The following PTPRD variants were observed in gnomAD, a reference collection of about 807,000 sequenced individuals.
PTPRD encodes protein tyrosine phosphatase receptor type D, also known as receptor-type tyrosine-protein phosphatase delta.
In PTPRD, 34 loss-of-function variants were observed where a neutral mutation model predicts 214.5. The ratio of observed to expected loss-of-function variants is 0.16; its 90% CI spans 0.12 to 0.21. The LOEUF (loss-of-function observed/expected upper bound fraction) is 0.21, where lower values mean the gene tolerates loss of function less well. Ranked by LOEUF, PTPRD falls within the 10% of genes least tolerant of loss-of-function variation. The pLI is 1.00. For missense variants in PTPRD, 2,545 were observed against 2,398.7 expected (o/e 1.06, Z -1.27); for synonymous variants, 1,128 against 845.7 (o/e 1.33, Z -5.79).
chr9:8,966,587 A>G (rs1251075172), intron 11 of PTPRD, among the ~76,000 whole-genome samples: 1 of 152,044 alleles, frequency 6.6e-6, no homozygotes, highest in Admixed American at 6.6e-5. Context: ...ACCCCTATAT[A>G]CTATATACAA....
intron 10 of PTPRD, among the ~76,000 whole-genome samples, chr9:9,160,729 C>T (rs2099886607): frequency 6.6e-6 from 1 of 152,168 alleles, no homozygotes; most frequent in Non-Finnish European, 1.5e-5. Flanking sequence ...TATCTGCATG[C>T]TCATGTGCAT....
intron 9 of PTPRD, among the ~76,000 whole-genome samples, chr9:9,221,800 G>A (rs4620334): frequency 0.7 from 105,910 of 151,836 alleles, 37,279 homozygotes; most frequent in Middle Eastern, 0.77. Context: ...GTCACGTGTA[G>A]CAGAAGAAGA....
intron 9 of PTPRD, among the ~76,000 whole-genome samples, chr9:9,192,656 A>C (rs1445357821): frequency 6.6e-6 from 1 of 152,118 alleles, no homozygotes; most frequent in East Asian, 1.9e-4. Context: ...CTGAAACCAG[A>C]GCTGCACCAC....
intron 9 of PTPRD, among the ~76,000 whole-genome samples, chr9:9,221,856 T>C (rs1406984969): frequency 2.0e-5 from 3 of 151,988 alleles, no homozygotes; most frequent in African/African-American, 7.2e-5. Flanking sequence ...ACAAACGCTG[T>C]ACCTAAACAA....
chr9:9,938,065 G>A (rs1381432942), intron 5 of PTPRD, among the ~76,000 whole-genome samples: 1 of 152,062 alleles, frequency 6.6e-6, no homozygotes, highest in African/African-American at 2.4e-5. Context: ...CTCTGGAAAT[G>A]ACAAAACCTG....
At chr9:9,936,923 T>C (rs1207081430) in intron 5 of PTPRD, among the ~76,000 whole-genome samples, 3 of 147,594 alleles carry the variant, frequency 2.0e-5, no homozygotes, top group South Asian at 2.2e-4. Context: ...ATGTCCTTTG[T>C]AGGGACATGG....
intron 4 of PTPRD, among the ~76,000 whole-genome samples, chr9:9,975,950 C>T (rs2095335824): frequency 6.6e-6 from 1 of 152,160 alleles, no homozygotes; most frequent in South Asian, 2.1e-4. Flanking sequence ...GTTAAGTGAA[C>T]TAGACCTGAA....
chr9:9,337,839 A>G (rs1342990818), intron 9 of PTPRD, among the ~76,000 whole-genome samples: 2 of 152,202 alleles, frequency 1.3e-5, no homozygotes, highest in Non-Finnish European at 2.9e-5. Context: ...ATAGGTACAA[A>G]TTACCTCACA....
At chr9:10,234,391 A>G (rs1286843714) in intron 3 of PTPRD, among the ~76,000 whole-genome samples, 1 of 151,808 alleles carries the variant, frequency 6.6e-6, no homozygotes, top group East Asian at 1.9e-4. Context: ...AAAAGTTAAT[A>G]TTGTTTTTCC....
chr9:9,186,200 G>A (rs533978028), intron 9 of PTPRD, among the ~76,000 whole-genome samples: 60 of 152,220 alleles, frequency 3.9e-4, no homozygotes, highest in African/African-American at 1.4e-3. Flanking sequence ...CCTAGTGCAT[G>A]GAACATGCTC....
intron 3 of PTPRD, among the ~76,000 whole-genome samples, chr9:10,336,900 G>C (rs930511225): frequency 4.6e-5 from 7 of 151,570 alleles, no homozygotes; most frequent in Admixed American, 3.3e-4. Flanking sequence ...TATAGACAGA[G>C]ATGAAATGGT....
At chr9:9,638,568 C>T (rs1564223390) in intron 7 of PTPRD, among the ~76,000 whole-genome samples, 1 of 152,170 alleles carries the variant, frequency 6.6e-6, no homozygotes. Context: ...TGAGCCCTCA[C>T]CTGAATCACC....
chr9:9,196,993 A>G (rs2099938982), intron 9 of PTPRD, among the ~76,000 whole-genome samples: 1 of 152,158 alleles, frequency 6.6e-6, no homozygotes, highest in South Asian at 2.1e-4. Context: ...CTCCCTAATC[A>G]TGTCTGAGAA....
chr9:10,194,131 A>G (rs1230360961), intron 3 of PTPRD, among the ~76,000 whole-genome samples: 2 of 151,974 alleles, frequency 1.3e-5, no homozygotes, highest in African/African-American at 4.8e-5. Flanking sequence ...TCAGTCACCA[A>G]TGTAATTTTT....
intron 12 of PTPRD, among the ~76,000 whole-genome samples, chr9:8,695,432 G>C (rs1330075835): frequency 2.7e-5 from 4 of 146,640 alleles, no homozygotes; most frequent in Admixed American, 6.8e-5. Flanking sequence ...GGTTACTATA[G>C]AATGAGAGTA....
At chr9:10,036,308 A>G (rs756086379) in intron 3 of PTPRD, among the ~76,000 whole-genome samples, 9 of 152,096 alleles carry the variant, frequency 5.9e-5, no homozygotes, top group Admixed American at 1.3e-4. Context: ...ATGATCATCA[A>G]TGTGTTACCC....
At chr9:8,482,203 C>T (rs2096901672) in intron 30 of PTPRD, among the ~76,000 whole-genome samples, 1 of 152,142 alleles carries the variant, frequency 6.6e-6, no homozygotes, top group South Asian at 2.1e-4. Context: ...TTTAGGATGA[C>T]ACCATCATTC....
intron 8 of PTPRD, among the ~76,000 whole-genome samples, chr9:9,572,562 TA>T (rs1278599515): frequency 8.5e-5 from 4 of 47,132 alleles, no homozygotes. Context: ...TATATATATG[TA>T]TATATATATA....
intron 6 of PTPRD, among the ~76,000 whole-genome samples, chr9:9,743,740 A>ACACACACACACG (rs2098428600): frequency 1.3e-5 from 2 of 148,450 alleles, no homozygotes; most frequent in Admixed American, 1.3e-4. Flanking sequence ...ATACACACAC[A>ACACACACACACG]CACACACACA....
Sources: gnomAD v4.1 joint callset for allele counts (sites outside exome capture counted in the v4.1 genomes callset) on GRCh38, gnomAD v4.1.1 for gene constraint, MANE v1.5 for transcripts, NCBI Gene and HGNC (gene_info 2026-07-23, HGNC 2026-07-21) for gene names.